AVEN: variants seen among roughly 807,000 people sequenced by gnomAD.
AVEN encodes cell death regulator Aven.
In AVEN, 41 loss-of-function variants were observed where a neutral mutation model predicts 38.1. That is an observed-to-expected ratio of 1.08 (90% confidence interval 0.84 to 1.40). The LOEUF (loss-of-function observed/expected upper bound fraction) is 1.40. Ranked by LOEUF, AVEN falls within the 40% of genes most tolerant of loss-of-function variation. AVEN has a pLI of 0.00. For synonymous variants in AVEN, 206 were observed against 171.8 expected (o/e 1.20, Z -1.56); for missense variants, 605 against 438.8 (o/e 1.38, Z -3.38).
chr15:34,062,407 T>A (rs182709720), intron 5 of AVEN, among the ~76,000 whole-genome samples: 7 of 151,652 alleles, frequency 4.6e-5, no homozygotes, highest in Middle Eastern at 3.2e-3. Context: ...TACAAAAAAA[T>A]AGCTGGGCGT....
intron 5 of AVEN, among the ~76,000 whole-genome samples, chr15:34,045,801 T>C (rs1899661894): frequency 1.3e-5 from 2 of 152,208 alleles, no homozygotes; most frequent in Non-Finnish European, 2.9e-5. Flanking sequence ...ATTCATTTGG[T>C]ACACAGGGTT....
chr15:33,964,048 C>T (rs774321770), intron 2 of AVEN, among the ~76,000 whole-genome samples: 12 of 150,640 alleles, frequency 8.0e-5, no homozygotes, highest in Non-Finnish European at 1.6e-4. Context: ...TGTGACCACA[C>T]GTTCAAATGT....
At chr15:33,918,427 G>C (rs1893243915) in intron 2 of AVEN, among the ~76,000 whole-genome samples, 1 of 137,160 alleles carries the variant, frequency 7.3e-6, no homozygotes, top group Non-Finnish European at 1.6e-5. Flanking sequence ...AAAATGTGAT[G>C]ATGTTGTGTC....
At chr15:33,852,514 G>T in the AVEN span, 1 of 155,748 alleles carries the variant, frequency 6.4e-6, no homozygotes. Flanking sequence ...AAATAGAGTG[G>T]AAAAACACTC....
At chr15:34,022,973 GT>G (rs1406494088) in intron 1 of AVEN, among the ~76,000 whole-genome samples, 1 of 152,206 alleles carries the variant, frequency 6.6e-6, no homozygotes, top group Non-Finnish European at 1.5e-5. Flanking sequence ...GGATCACAAG[GT>G]CAGGAGTTCA....
At chr15:33,961,123 T>G (rs73381524) in intron 2 of AVEN, among the ~76,000 whole-genome samples, 3 of 151,788 alleles carry the variant, frequency 2.0e-5, no homozygotes, top group African/African-American at 7.2e-5. Context: ...GCCTCAGCCT[T>G]CCGAGTAGCT....
At chr15:34,033,900 G>A (rs770860710) in intron 1 of AVEN, among the ~76,000 whole-genome samples, 3 of 151,976 alleles carry the variant, frequency 2.0e-5, no homozygotes, top group Admixed American at 6.6e-5. Flanking sequence ...CGATTCTCCC[G>A]CCTCAGCCTC....
In AVEN at chr15:33,926,978, A is replaced by T. The variant is rs544884181; in HGVS notation, c.446-50983T>A. On this transcript the variant is annotated intron_variant, in intron 2 of 5. Transcript: ENST00000306730. ...CTAGAAATAAAATAAAAATAATTTT[A>T]AAAAGAAAATAATAGCCTGTAATCC... Among the ~76,000 whole-genome samples, 559 of 152,262 alleles carry T rather than the reference A, an allele frequency of 3.7e-3. 2 individuals carry two copies. Among genetic ancestry groups the T allele is most frequent in the African/African-American group, 0.013 (542 of 41,570 alleles).
intron 1 of AVEN, among the ~76,000 whole-genome samples, chr15:34,073,877 T>G (rs1029023791): frequency 6.6e-6 from 1 of 152,122 alleles, no homozygotes; most frequent in African/African-American, 2.4e-5. Flanking sequence ...TCTGTCCTTT[T>G]CCATGTCTGT....
downstream of AVEN, chr15:33,857,812 G>A: frequency 1.2e-6 from 2 of 1,614,152 alleles, no homozygotes; most frequent in East Asian, 4.5e-5. Context: ...TGGCCGTGGT[G>A]GTTTATCTCT....
At position 34,044,658 on chromosome 15, in the gene AVEN, C is replaced by T. The variant is rs191520898; in HGVS notation, n.1637+18264G>A. Reference sequence around the variant, plus strand: ...AACAGAAGGGGACCCACCTAGCCAACCCCATAGCCTGTGGCAGGAGTCGAC... The same window carrying T: ...AACAGAAGGGGACCCACCTAGCCAATCCCATAGCCTGTGGCAGGAGTCGAC... On this transcript the variant is annotated intron_variant and non_coding_transcript_variant, in intron 5 of 11. Transcript: ENST00000675287. Among the ~76,000 whole-genome samples the T allele has an allele frequency of 3.5e-3, 539 of 152,324 alleles. 5 individuals are homozygous for T. Among genetic ancestry groups the T allele is most frequent in the African/African-American group, 0.012 (503 of 41,562 alleles).
At chr15:33,861,854 A>G (rs549356527), downstream of AVEN, among the ~76,000 whole-genome samples, 54 of 152,060 alleles carry the variant, frequency 3.6e-4, no homozygotes, top group African/African-American at 1.2e-3. Context: ...TGAACTCCTG[A>G]CCTCAGGTGA....
chr15:34,072,185 CTT>C (rs1900641200), intron 1 of AVEN, among the ~76,000 whole-genome samples: 1 of 151,980 alleles, frequency 6.6e-6, no homozygotes, highest in Non-Finnish European at 1.5e-5. Flanking sequence ...GGGAGGAACT[CTT>C]GAGCCCAGGA....
At chr15:34,042,392 C>T (rs1899506527), upstream of AVEN, among the ~76,000 whole-genome samples, 3 of 149,334 alleles carry the variant, frequency 2.0e-5, no homozygotes, top group Non-Finnish European at 3.0e-5. Flanking sequence ...CATACATGAC[C>T]TAAGTTTTTT....
At chr15:34,002,908 G>T in intron 2 of AVEN, 124 bp downstream of exon 2, 1 of 935,568 alleles carries the variant, frequency 1.1e-6, no homozygotes, top group Non-Finnish European at 1.6e-6. Context: ...TCCTTTACTT[G>T]AATTAAAAAT....
downstream of AVEN, chr15:33,858,274 A>G (rs11634530): frequency 0.61 from 120,741 of 197,196 alleles, 40,650 homozygotes; most frequent in Non-Finnish European, 0.74. Context: ...GCGTCATCTC[A>G]GCTCATTGCA....
intron 2 of AVEN, among the ~76,000 whole-genome samples, chr15:33,961,652 A>G (rs1338977094): frequency 5.3e-5 from 8 of 151,428 alleles, no homozygotes; most frequent in Non-Finnish European, 1.0e-4. Flanking sequence ...TCTCTACTAA[A>G]AACACAAAAA....
chr15:34,018,054 G>T (rs188037957), intron 1 of AVEN, among the ~76,000 whole-genome samples: 1 of 152,280 alleles, frequency 6.6e-6, no homozygotes, highest in African/African-American at 2.4e-5. Flanking sequence ...AATGGTTTAT[G>T]TATTTACTAT....
intron 2 of AVEN, among the ~76,000 whole-genome samples, chr15:33,905,262 A>C (rs1892655606): frequency 6.6e-6 from 1 of 152,200 alleles, no homozygotes; most frequent in Admixed American, 6.5e-5. Context: ...ACTGAGTTTA[A>C]ACTGCTGTTC....
Sources: gnomAD v4.1 joint callset for allele counts (sites outside exome capture counted in the v4.1 genomes callset) on GRCh38, gnomAD v4.1.1 for gene constraint, MANE v1.5 for transcripts, NCBI Gene and HGNC (gene_info 2026-07-23, HGNC 2026-07-21) for gene names.